TAB2: variants seen among roughly 807,000 people sequenced by gnomAD.
The protein encoded by TAB2 is TGF-beta-activated kinase 1 and MAP3K7-binding protein 2.
A neutral mutation model predicts 65.0 loss-of-function variants in TAB2; 3 were observed. The observed-to-expected ratio is 0.05, with a 90% confidence interval of 0.02 to 0.12. The LOEUF (loss-of-function observed/expected upper bound fraction) is 0.12, where lower values mean the gene tolerates loss of function less well. TAB2 is among the 10% of genes least tolerant of loss of function. The pLI is 1.00. For synonymous variants in TAB2, 298 were observed against 285.1 expected, an observed-to-expected ratio of 1.05 and a Z score of -0.46; for missense variants, 623 against 840.3, an observed-to-expected ratio of 0.74 and a Z score of 3.20.
chr6:149,287,337 AATAG>A (rs1457235149), intron 1 of TAB2, among the ~76,000 whole-genome samples: 1 of 152,238 alleles, frequency 6.6e-6, no homozygotes, highest in African/African-American at 2.4e-5. Context: ...TTGAAAAACA[AATAG>A]ATAAAGCTGG....
intron 1 of TAB2, among the ~76,000 whole-genome samples, chr6:149,328,030 T>C (rs1166053050): frequency 2.6e-5 from 4 of 152,170 alleles, no homozygotes; most frequent in Non-Finnish European, 5.9e-5. Context: ...AAGTAAGTGC[T>C]CTTGTTGAAG....
At chr6:149,320,672 A>G (rs1583085566) in intron 1 of TAB2, among the ~76,000 whole-genome samples, 1 of 151,268 alleles carries the variant, frequency 6.6e-6, no homozygotes, top group Admixed American at 6.6e-5. Context: ...CTAAAACAGC[A>G]TTTTTTTTTG....
chr6:149,379,086 G>A lies in TAB2; in HGVS notation c.1171G>A (p.Ala391Thr). 6.2e-7 allele frequency: 1 copy of A among 1,614,128 alleles called. No individual in the cohort carries two copies. Among genetic ancestry groups the A allele is most frequent in the Non-Finnish European group, 8.5e-7 (1 of 1,180,036 alleles). The part of the protein sequence containing the change: ...SRSQPKVYIS[A>T]NAATGDEQVM... ...TAGTCAACCTAAGGTCTATATTTCA[G>A]CGAATGCTGCCACAGGAGATGAACA... Residue 391 changes from alanine (A) to threonine (T), a missense_variant, in exon 3 of 7, where the codon GCG becomes ACG. Coordinates refer to ENST00000637181, the MANE Select transcript of TAB2 (RefSeq NM_001292034.3).
intron 1 of TAB2, among the ~76,000 whole-genome samples, chr6:149,272,329 C>A (rs182360049): frequency 2.0e-5 from 3 of 152,280 alleles, no homozygotes; most frequent in African/African-American, 7.2e-5. Flanking sequence ...GGGACTTAAA[C>A]AACGCAGACA....
intron 1 of TAB2, among the ~76,000 whole-genome samples, chr6:149,349,369 G>A (rs1409031343): frequency 4.8e-5 from 7 of 146,210 alleles, no homozygotes; most frequent in African/African-American, 1.5e-4. Context: ...GCAATGAGCC[G>A]AGATCACTCC....
At chr6:149,395,158 A>G (rs901450798) in intron 3 of TAB2, among the ~76,000 whole-genome samples, 6 of 152,262 alleles carry the variant, frequency 3.9e-5, no homozygotes, top group African/African-American at 1.4e-4. Flanking sequence ...ATGGACTTCC[A>G]AAATGCCTAC....
chr6:149,357,430 A>ACACAC (rs1554261743), intron 1 of TAB2, among the ~76,000 whole-genome samples: 34 of 111,186 alleles, frequency 3.1e-4, no homozygotes, highest in African/African-American at 8.6e-4. Context: ...AGAAAAAAAA[A>ACACAC]ACACACACAC....
At chr6:149,260,680 C>A (rs561343565) in intron 1 of TAB2, among the ~76,000 whole-genome samples, 1 of 152,086 alleles carries the variant, frequency 6.6e-6, no homozygotes. Context: ...ATCTATGGGA[C>A]GGGGGCTGGA....
intron 1 of TAB2, among the ~76,000 whole-genome samples, chr6:149,345,150 A>G (rs1458015572): frequency 1.3e-5 from 2 of 152,258 alleles, no homozygotes; most frequent in East Asian, 3.9e-4. Flanking sequence ...TGCTTGCATA[A>G]TAAATAGTTC....
chr6:149,324,225 C>T (rs1295087627), intron 1 of TAB2, among the ~76,000 whole-genome samples: 1 of 151,806 alleles, frequency 6.6e-6, no homozygotes, highest in East Asian at 1.9e-4. Context: ...AGAGAAGCAG[C>T]AAGAGTATAG....
chr6:149,375,346 G>A (rs992087577), intron 2 of TAB2, among the ~76,000 whole-genome samples: 1 of 152,022 alleles, frequency 6.6e-6, no homozygotes, highest in African/African-American at 2.4e-5. Flanking sequence ...TAAAACCCCT[G>A]TAAGTTCTTT....
intron 1 of TAB2, chr6:149,246,875 A>G (rs1323756185): frequency 1.3e-5 from 2 of 152,238 alleles, no homozygotes; most frequent in African/African-American, 2.4e-5. Context: ...AGCCGTTTTC[A>G]TCTGAAATTG....
chr6:149,376,902 G>A (rs1781417400), intron 2 of TAB2, among the ~76,000 whole-genome samples: 1 of 146,316 alleles, frequency 6.8e-6, no homozygotes, highest in South Asian at 2.1e-4. Context: ...CCCCCACTCT[G>A]GAGTAGATTT....
intron 1 of TAB2, among the ~76,000 whole-genome samples, chr6:149,362,379 C>CT (rs1780880292): frequency 6.6e-6 from 1 of 152,158 alleles, no homozygotes. Flanking sequence ...CTGGATATCA[C>CT]ATAGAGCGGG....
intron 1 of TAB2, among the ~76,000 whole-genome samples, chr6:149,356,716 A>G (rs1264549758): frequency 2.0e-5 from 3 of 152,228 alleles, no homozygotes; most frequent in African/African-American, 7.2e-5. Context: ...GGACCTGACC[A>G]TTCACACCAT....
At chr6:149,375,704 G>A (rs1425319168) in intron 2 of TAB2, among the ~76,000 whole-genome samples, 1 of 152,024 alleles carries the variant, frequency 6.6e-6, no homozygotes, top group African/African-American at 2.4e-5. Context: ...TTAACTTAAA[G>A]CAAAAAGGGC....
intron 1 of TAB2, among the ~76,000 whole-genome samples, chr6:149,254,206 G>A (rs77861116): frequency 0.027 from 4,113 of 152,036 alleles, 208 homozygotes; most frequent in African/African-American, 0.095. Context: ...GACCAAATAC[G>A]CTCCCCCAAA....
At chr6:149,373,700 G>A (rs961416696) in intron 2 of TAB2, among the ~76,000 whole-genome samples, 3 of 152,174 alleles carry the variant, frequency 2.0e-5, no homozygotes, top group African/African-American at 7.2e-5. Flanking sequence ...ATAGCTTTGA[G>A]GAGAATGCAG....
At chr6:149,347,438 A>G (rs1258817943) in intron 1 of TAB2, among the ~76,000 whole-genome samples, 2 of 152,050 alleles carry the variant, frequency 1.3e-5, no homozygotes, top group African/African-American at 4.8e-5. Context: ...TAAGAAATCT[A>G]GTTTTTAGTA....
Sources: gnomAD v4.1 joint callset for allele counts (sites outside exome capture counted in the v4.1 genomes callset) on GRCh38, gnomAD v4.1.1 for gene constraint, MANE v1.5 for transcripts, NCBI Gene and HGNC (gene_info 2026-07-23, HGNC 2026-07-21) for gene names.